Variants in DSCAML1 observed in about 807,000 individuals in gnomAD.
DSCAML1 encodes DS cell adhesion molecule like 1.
Under a neutral mutation model 200.5 loss-of-function variants are expected in DSCAML1, and 38 were observed. That is an observed-to-expected ratio of 0.19 (90% CI 0.15 to 0.25). The LOEUF (loss-of-function observed/expected upper bound fraction) is 0.25, where lower values mean the gene tolerates loss of function less well. DSCAML1 is among the 10% of genes least tolerant of loss of function. The probability of loss-of-function intolerance (pLI) is 1.00; values close to 1 mark genes in which losing one functional copy is unlikely to be tolerated. For synonymous variants in DSCAML1, 1,215 were observed against 1,165.0 expected (o/e 1.04, Z -0.87); for missense variants, 2,223 against 2,858.8 (o/e 0.78, Z 5.07).
intron 5 of DSCAML1, among the ~76,000 whole-genome samples, chr11:117,522,764 G>A (rs1265999351): frequency 6.6e-6 from 1 of 152,164 alleles, no homozygotes; most frequent in Non-Finnish European, 1.5e-5. Context: ...TCCTGTGTGG[G>A]CTTGGCACAG....
At chr11:117,567,252 C>T (rs932125574) in intron 3 of DSCAML1, among the ~76,000 whole-genome samples, 4 of 152,106 alleles carry the variant, frequency 2.6e-5, no homozygotes, top group African/African-American at 7.2e-5. Context: ...TGTTTCCTGA[C>T]TTTTTAATGA....
chr11:117,608,453 GTATA>G lies in DSCAML1; in HGVS notation c.512-75935_512-75932del, dbSNP rs147331909. On this transcript the variant is annotated intron_variant, in intron 3 of 32. Transcript: ENST00000651296. ...AATACCATTTTCTCTTTTTATATGTGTATATATAAACACACACACATTTAATATG... is the reference window on the plus strand; with the variant it reads ...AATACCATTTTCTCTTTTTATATGTGTATAAACACACACACATTTAATATG... 8.1e-3 allele frequency among the ~76,000 whole-genome samples: 1,229 copies of G among 152,238 alleles called. 16 individuals carry two copies. The highest frequency in any genetic ancestry group is 0.028 in the African/African-American group (1,168 of 41,534).
chr11:117,688,677 C>T (rs150466493), intron 3 of DSCAML1, among the ~76,000 whole-genome samples: 1 of 151,916 alleles, frequency 6.6e-6, no homozygotes, highest in East Asian at 1.9e-4. Flanking sequence ...ATGATGCATG[C>T]CCACCTTACC....
In DSCAML1 at chr11:117,685,088, C is replaced by T. The variant is rs544651029; in HGVS notation, c.511+91703G>A. Among the ~76,000 whole-genome samples, 8 of 152,340 alleles carry T rather than the reference C, an allele frequency of 5.3e-5. No homozygotes were observed. In the East Asian group the frequency reaches 5.8e-4, roughly 11 times the overall value. ...GAGTAACCAAGGCCTTCCGTGACAT[C>T]GAGGCACCTAGGGATCTCCCCAGGG... is the stretch of plus-strand genomic sequence containing the variant. On this transcript the variant is annotated intron_variant, in intron 3 of 32. Coordinates refer to ENST00000651296, the MANE Select transcript of DSCAML1 (RefSeq NM_020693.4).
intron 2 of DSCAML1, among the ~76,000 whole-genome samples, chr11:117,779,512 A>C (rs2055194205): frequency 6.6e-6 from 1 of 152,180 alleles, no homozygotes; most frequent in African/African-American, 2.4e-5. Context: ...TTCTCATGAG[A>C]TATGTCATCC....
intron 3 of DSCAML1, among the ~76,000 whole-genome samples, chr11:117,713,367 T>C (rs1175808968): frequency 1.3e-5 from 2 of 152,182 alleles, no homozygotes; most frequent in African/African-American, 4.8e-5. Flanking sequence ...CCACCCGCCT[T>C]GACCTCCCAA....
Position 117,516,401 on chromosome 11 carries a change from G to A in DSCAML1, c.1783+66C>T, listed in dbSNP as rs1266708824. ...GCCTATTGTTGTCTGAGTCCCAGCT[G>A]GGGAAAGGCCCACGCATCCTGGGTG... On this transcript the variant is annotated intron_variant, in intron 8 of 32. Transcript: ENST00000651296. The surrounding 1 kb of genome is among the most constrained non-coding windows in gnomAD (Gnocchi z 5.7). 2 of 1,555,084 alleles carry A rather than the reference G, an allele frequency of 1.3e-6. No homozygotes were observed. The highest frequency in any genetic ancestry group is 1.4e-5 in the African/African-American group (1 of 73,746).
chr11:117,457,863 G>A (rs539880979), intron 19 of DSCAML1, among the ~76,000 whole-genome samples: 2 of 152,348 alleles, frequency 1.3e-5, no homozygotes, highest in East Asian at 3.9e-4. Context: ...AAGGGTGAGT[G>A]GAAAGGAAGC....
chr11:117,542,834 G>C (rs576049334), intron 3 of DSCAML1, among the ~76,000 whole-genome samples: 1 of 152,328 alleles, frequency 6.6e-6, no homozygotes, highest in African/African-American at 2.4e-5. Context: ...CACACATCTA[G>C]TGAGTGGAAG....
chr11:117,700,993 C>T (rs1366338061), intron 3 of DSCAML1, among the ~76,000 whole-genome samples: 1 of 152,198 alleles, frequency 6.6e-6, no homozygotes, highest in African/African-American at 2.4e-5. Flanking sequence ...GGGCCAGGTG[C>T]GGTGGCTCAC....
chr11:117,605,048 C>T (rs77492882), intron 3 of DSCAML1, among the ~76,000 whole-genome samples: 5,741 of 152,248 alleles, frequency 0.038, 186 homozygotes, highest in African/African-American at 0.085. Context: ...CCTCTCCCTG[C>T]TCCCTGGTCT....
chr11:117,781,458 T>C (rs1425050643), intron 1 of DSCAML1, among the ~76,000 whole-genome samples: 3 of 152,084 alleles, frequency 2.0e-5, no homozygotes, highest in African/African-American at 7.2e-5. Flanking sequence ...CAGACGAAAG[T>C]TGTAAAAGGT....
At chr11:117,472,166 G>A in intron 14 of DSCAML1, 130 bp from the exon 15 acceptor site, 1 of 1,013,796 alleles carries the variant, frequency 9.9e-7, no homozygotes, top group South Asian at 1.6e-5. Flanking sequence ...ACTGCAGAGA[G>A]GGCACAGGCC....
intron 14 of DSCAML1, among the ~76,000 whole-genome samples, chr11:117,473,948 C>T (rs1279969210): frequency 1.3e-5 from 2 of 152,062 alleles, no homozygotes; most frequent in Non-Finnish European, 2.9e-5. Context: ...ATCCTGGGAG[C>T]TGGCGCCAGC....
At chr11:117,685,668 C>A (rs946743854) in intron 3 of DSCAML1, among the ~76,000 whole-genome samples, 2 of 152,182 alleles carry the variant, frequency 1.3e-5, no homozygotes, top group Non-Finnish European at 2.9e-5. Flanking sequence ...CGGGAGGAGA[C>A]GGAAAGCACG....
intron 3 of DSCAML1, among the ~76,000 whole-genome samples, chr11:117,726,254 TGTGTGTGTGTGC>T (rs1479028301): frequency 1.4e-5 from 2 of 144,656 alleles, no homozygotes; most frequent in African/African-American, 5.6e-5. Flanking sequence ...TGTATCTCTG[TGTGTGTGTGTGC>T]GTGTGTGTGT....
chr11:117,432,678 T>C (rs2047826228), intron 29 of DSCAML1, among the ~76,000 whole-genome samples, 174 bp from the exon 30 acceptor site: 1 of 152,104 alleles, frequency 6.6e-6, no homozygotes, highest in Non-Finnish European at 1.5e-5. Flanking sequence ...TTGTGATCAC[T>C]GCTCACTGCA....
chr11:117,757,170 G>C (rs1395283526), intron 3 of DSCAML1, among the ~76,000 whole-genome samples: 1 of 152,154 alleles, frequency 6.6e-6, no homozygotes, highest in Non-Finnish European at 1.5e-5. Context: ...AGAAAAAGTA[G>C]TAGCTACTTT....
intron 3 of DSCAML1, among the ~76,000 whole-genome samples, chr11:117,658,840 T>C (rs532567913): frequency 6.6e-6 from 1 of 152,328 alleles, no homozygotes; most frequent in South Asian, 2.1e-4. Context: ...AACATCCAGA[T>C]ACTCCTTACT....
Sources: allele counts gnomAD v4.1 joint callset (sites outside exome capture counted in the v4.1 genomes callset), GRCh38; gene constraint gnomAD v4.1.1; non-coding constraint Gnocchi (gnomAD v3.1); transcripts MANE v1.5; gene names NCBI Gene and HGNC (gene_info 2026-07-23, HGNC 2026-07-21).